MYCBP2: variants seen among roughly 807,000 people sequenced by gnomAD.
MYCBP2 encodes the protein MYC binding protein 2, also known as E3 ubiquitin-protein ligase MYCBP2.
Under a neutral mutation model 525.3 loss-of-function variants are expected in MYCBP2, and 120 were observed. The ratio of observed to expected loss-of-function variants is 0.23; its 90% CI spans 0.20 to 0.27. The LOEUF (loss-of-function observed/expected upper bound fraction) is 0.27, where lower values mean the gene tolerates loss of function less well. Among genes scored for constraint, MYCBP2 ranks in the 10% least tolerant of loss-of-function variants. MYCBP2 has a pLI of 1.00. For synonymous variants in MYCBP2, 1,894 were observed against 1,955.8 expected, an observed-to-expected ratio of 0.97 and a Z score of 0.83; for missense variants, 4,149 against 5,657.1, an observed-to-expected ratio of 0.73 and a Z score of 8.55.
intron 58 of MYCBP2, among the ~76,000 whole-genome samples, chr13:77,095,091 T>TA (rs769507576): frequency 4.6e-5 from 7 of 152,044 alleles, no homozygotes; most frequent in East Asian, 1.9e-4. Flanking sequence ...TACCAAAGAG[T>TA]AAAAGATAGC....
At chr13:77,088,380 T>C (rs1455916279) in intron 61 of MYCBP2, among the ~76,000 whole-genome samples, 1 of 152,130 alleles carries the variant, frequency 6.6e-6, no homozygotes, top group South Asian at 2.1e-4. Flanking sequence ...TTTATCACAT[T>C]TGATAAAAAC....
chr13:77,076,529 A>G (rs2042328189), intron 68 of MYCBP2, among the ~76,000 whole-genome samples: 1 of 152,126 alleles, frequency 6.6e-6, no homozygotes, highest in Non-Finnish European at 1.5e-5. Flanking sequence ...GAATGCAAAA[A>G]CCCAAGGTAT....
At chr13:77,138,178 A>C (rs1347329948) in intron 52 of MYCBP2, among the ~76,000 whole-genome samples, 1 of 152,226 alleles carries the variant, frequency 6.6e-6, no homozygotes, top group Admixed American at 6.5e-5. Context: ...TCTTGATCAC[A>C]TATCTTCCTT....
At chr13:77,146,105 A>T in intron 48 of MYCBP2, 57 bp downstream of exon 48, 2 of 1,110,586 alleles carry the variant, frequency 1.8e-6, no homozygotes, top group Non-Finnish European at 2.6e-6. Flanking sequence ...GGATGATTTT[A>T]GTTGCAAGCA....
intron 18 of MYCBP2, among the ~76,000 whole-genome samples, chr13:77,232,226 A>T (rs1427861826): frequency 1.3e-5 from 2 of 152,196 alleles, no homozygotes; most frequent in African/African-American, 4.8e-5. Flanking sequence ...AAAAAAAAGA[A>T]AAGGATCCAA....
At chr13:77,233,874 G>A (rs2067486227) in intron 17 of MYCBP2, among the ~76,000 whole-genome samples, 1 of 145,764 alleles carries the variant, frequency 6.9e-6, no homozygotes, top group Non-Finnish European at 1.5e-5. Flanking sequence ...GAGAGAGAGA[G>A]AACGAGAGAG....
intron 52 of MYCBP2, chr13:77,129,689 T>A (rs1026780992): frequency 5.9e-5 from 9 of 152,144 alleles, no homozygotes; most frequent in African/African-American, 2.2e-4. Flanking sequence ...TACGTGAACT[T>A]ATCACTTTTT....
At chr13:77,064,564 C>A (rs375755477) in intron 73 of MYCBP2, 51 bp downstream of exon 73, 2 of 1,510,700 alleles carry the variant, frequency 1.3e-6, no homozygotes, top group Admixed American at 2.2e-5. Context: ...AAAAAGAACA[C>A]GCAATGATAC....
At chr13:77,115,976 C>T (rs896256701) in intron 55 of MYCBP2, among the ~76,000 whole-genome samples, 3 of 151,344 alleles carry the variant, frequency 2.0e-5, no homozygotes, top group South Asian at 2.1e-4. Flanking sequence ...CATTATTTAC[C>T]GAGGTAAGGC....
chr13:77,064,954 T>C (rs1354210396), intron 72 of MYCBP2, among the ~76,000 whole-genome samples: 1 of 152,094 alleles, frequency 6.6e-6, no homozygotes, highest in Non-Finnish European at 1.5e-5. Flanking sequence ...AATAAATAAA[T>C]AAAAAATTAA....
Position 77,326,554 on chromosome 13 carries a change from G to C in MYCBP2, c.222C>G (p.Ala74=). 6.3e-7 allele frequency: 1 copy of C among 1,597,518 alleles called. No homozygotes were observed. The highest frequency in any genetic ancestry group is 8.5e-7 in the Non-Finnish European group (1 of 1,172,642). Residue 74 remains alanine, a synonymous_variant, in exon 1 of 83, where the codon GCC becomes GCG. Coordinates refer to ENST00000544440, the MANE Select transcript of MYCBP2 (RefSeq NM_015057.5). The surrounding 1 kb of genome is among the most constrained non-coding windows in gnomAD (Gnocchi z 4.2). ...YQLLLSGRAL[A]DRYRRIYTAA... is the part of the protein sequence containing the mutation. ...CGGTATAAATCCTCCGGTAGCGGTC[G>C]GCCAGGGCCCGGCCTGACAGCAGCA...
chr13:77,252,892 T>C (rs2071464755), intron 14 of MYCBP2, among the ~76,000 whole-genome samples: 1 of 152,140 alleles, frequency 6.6e-6, no homozygotes, highest in African/African-American at 2.4e-5. Flanking sequence ...CATTACTCAT[T>C]TAATCATTCC....
rs1012790200 is a variant in MYCBP2 at position 77,326,672 on chromosome 13, C to G, written c.104G>C (p.Gly35Ala). 1 of 1,471,816 alleles carries G rather than the reference C, an allele frequency of 6.8e-7. No individual in the cohort carries two copies. The highest frequency in any genetic ancestry group is 8.9e-7 in the Non-Finnish European group (1 of 1,117,806). 91.2% of individuals were successfully genotyped at this position (1,471,816 alleles called of 1,614,324 possible). A position where few individuals can be genotyped will look rare whatever the true frequency, so the allele number is the denominator to read the frequency against. Reference sequence around the variant, plus strand: ...GTCGGGAACCGGCATGAACAGCGCCCCCGGCGCCGGGGAGGAAGAGAAGGT... The same window carrying G: ...GTCGGGAACCGGCATGAACAGCGCCGCCGGCGCCGGGGAGGAAGAGAAGGT... ...AATFSSSPAP[G>A]ALFMPVPDGS... Residue 35 changes from glycine to alanine, a missense_variant, in exon 1 of 83, where the codon GGG becomes GCG. Coordinates refer to ENST00000544440, the MANE Select transcript of MYCBP2 (RefSeq NM_015057.5). The surrounding 1 kb of genome is among the most constrained non-coding windows in gnomAD (Gnocchi z 4.2).
At chr13:77,321,028 G>A (rs2081544620) in intron 1 of MYCBP2, among the ~76,000 whole-genome samples, 1 of 152,078 alleles carries the variant, frequency 6.6e-6, no homozygotes, top group African/African-American at 2.4e-5. Context: ...ACTTGACTGT[G>A]GTGATAGTTT....
chr13:77,099,166 GA>G, intron 55 of MYCBP2, 153 bp from the exon 56 acceptor site: 3 of 1,026,420 alleles, frequency 2.9e-6, no homozygotes, highest in Non-Finnish European at 2.8e-6. Context: ...AAAGAAGGGG[GA>G]AATATTTCTA....
At chr13:77,075,124 A>C (rs2042054810) in intron 68 of MYCBP2, among the ~76,000 whole-genome samples, 1 of 152,098 alleles carries the variant, frequency 6.6e-6, no homozygotes, top group Non-Finnish European at 1.5e-5. Flanking sequence ...AGGAGGATCC[A>C]TTGAGCCCGG....
intron 13 of MYCBP2, 130 bp downstream of exon 13, chr13:77,260,298 A>C (rs1045961290): frequency 1.4e-5 from 9 of 645,938 alleles, no homozygotes; most frequent in Non-Finnish European, 2.2e-5. Flanking sequence ...GAAATATTTC[A>C]CATTTGGAAG....
At chr13:77,118,704 C>T (rs1420249589) in intron 55 of MYCBP2, among the ~76,000 whole-genome samples, 1 of 151,476 alleles carries the variant, frequency 6.6e-6, no homozygotes, top group East Asian at 1.9e-4. Flanking sequence ...AAGCGCCCCA[C>T]CAAATCTTAT....
chr13:77,228,727 GTA>G (rs1555422066), intron 18 of MYCBP2, among the ~76,000 whole-genome samples: 1 of 135,926 alleles, frequency 7.4e-6, no homozygotes, highest in African/African-American at 2.7e-5. Flanking sequence ...GTGTGTGTGT[GTA>G]TACCATGTAA....
Sources: gnomAD v4.1 joint callset for allele counts (sites outside exome capture counted in the v4.1 genomes callset) on GRCh38, gnomAD v4.1.1 for gene constraint, Gnocchi (gnomAD v3.1) non-coding constraint, MANE v1.5 for transcripts, NCBI Gene and HGNC (gene_info 2026-07-23, HGNC 2026-07-21) for gene names.